PCDHGA6: variants seen among roughly 807,000 people sequenced by gnomAD.
PCDHGA6 encodes the protein protocadherin gamma-A6.
In PCDHGA6, 41 loss-of-function variants were observed where a neutral mutation model predicts 60.6. The ratio of observed to expected loss-of-function variants is 0.68; its 90% CI spans 0.53 to 0.88. PCDHGA6 has a LOEUF of 0.88. PCDHGA6 is among the 40% of genes least tolerant of loss of function. PCDHGA6 has a pLI of 0.00. For synonymous variants in PCDHGA6, 594 were observed against 524.4 expected, an observed-to-expected ratio of 1.13 and a Z score of -1.81; for missense variants, 1,312 against 1,203.0, an observed-to-expected ratio of 1.09 and a Z score of -1.34.
At chr5:141,458,081 G>A (rs765008628) in intron 1 of PCDHGA6, among the ~76,000 whole-genome samples, 62 of 152,186 alleles carry the variant, frequency 4.1e-4, no homozygotes, top group East Asian at 1.9e-4. Flanking sequence ...CTATATTGCC[G>A]TAAGTTAAGA....
Position 141,420,043 on chromosome 5 carries a change from G to T in PCDHGA6, c.2424+43536G>T, listed in dbSNP as rs747553514. On this transcript the variant is annotated intron_variant, in intron 1 of 3. Coordinates refer to ENST00000517434, the MANE Select transcript of PCDHGA6 (RefSeq NM_018919.3). ...GCCCTACTGCAGGAGACTGCTTTGAGTCAGTTCTCTGCTCCAAGTCCGGAC... is the reference window on the plus strand; with the variant it reads ...GCCCTACTGCAGGAGACTGCTTTGATTCAGTTCTCTGCTCCAAGTCCGGAC... The T allele has an allele frequency of 1.9e-6, 3 of 1,614,078 alleles. No individual in the cohort carries two copies. In the Admixed American group the frequency reaches 5.0e-5, roughly 27 times the overall value.
intron 1 of PCDHGA6, chr5:141,389,767 G>T: frequency 1.2e-6 from 2 of 1,613,028 alleles, no homozygotes; most frequent in Non-Finnish European, 1.7e-6. Context: ...CGCACAGCGC[G>T]TGCCTTAGGC....
At chr5:141,413,342 TG>T in intron 1 of PCDHGA6, 1 of 1,613,974 alleles carries the variant, frequency 6.2e-7, no homozygotes, top group South Asian at 1.1e-5. Flanking sequence ...TCCAAGGACT[TG>T]GGTCTGGCGC....
chr5:141,456,536 G>A (rs1231730255), intron 1 of PCDHGA6, among the ~76,000 whole-genome samples: 1 of 152,158 alleles, frequency 6.6e-6, no homozygotes, highest in Non-Finnish European at 1.5e-5. Flanking sequence ...AATTAAAGAG[G>A]GATTGTAGCC....
intron 1 of PCDHGA6, among the ~76,000 whole-genome samples, chr5:141,444,463 G>T (rs570185430): frequency 6.6e-6 from 1 of 152,144 alleles, no homozygotes; most frequent in Admixed American, 6.5e-5. Flanking sequence ...GAGTCACTGC[G>T]CCCGGTCGCG....
intron 1 of PCDHGA6, chr5:141,405,384 CA>C: frequency 1.9e-6 from 3 of 1,600,664 alleles, no homozygotes; most frequent in Non-Finnish European, 2.6e-6. Context: ...CCGGTGAGTT[CA>C]TTTTTTTTCT....
chr5:141,385,256 A>G lies in PCDHGA6; in HGVS notation c.2424+8749A>G, dbSNP rs779090806. On this transcript the variant is annotated intron_variant, in intron 1 of 3. Transcript: ENST00000517434. Reference sequence around the variant, plus strand: ...ATGCTCATCAGCCAGGAGAGCTGTGAGAAAAATGATTCTTTGCTAACATCC... The same window carrying G: ...ATGCTCATCAGCCAGGAGAGCTGTGGGAAAAATGATTCTTTGCTAACATCC... 7 of 1,613,794 alleles carry G rather than the reference A, an allele frequency of 4.3e-6. No homozygotes were observed. In the Admixed American group the frequency reaches 1.0e-4, roughly 23 times the overall value.
intron 1 of PCDHGA6, among the ~76,000 whole-genome samples, chr5:141,475,778 T>C (rs1204790631): frequency 2.0e-5 from 3 of 152,282 alleles, no homozygotes; most frequent in Non-Finnish European, 4.4e-5. Flanking sequence ...GCGCTTTGGC[T>C]GGAAACTCTG....
At chr5:141,385,097 C>G in intron 1 of PCDHGA6, 1 of 1,614,192 alleles carries the variant, frequency 6.2e-7, no homozygotes, top group Non-Finnish European at 8.5e-7. Context: ...GGTGGCTTGG[C>G]GAACGTGCCC....
intron 1 of PCDHGA6, chr5:141,399,997 A>C (rs2093936203): frequency 6.2e-7 from 1 of 1,612,226 alleles, no homozygotes; most frequent in African/African-American, 1.3e-5. Context: ...AGAGGTGCGC[A>C]CAGCGCGTGC....
chr5:141,410,660 T>C (rs911543817), intron 1 of PCDHGA6: 12 of 1,572,396 alleles, frequency 7.6e-6, no homozygotes, highest in African/African-American at 2.7e-5. Context: ...TCTAATAGTC[T>C]ACTAGTTTCT....
intron 1 of PCDHGA6, among the ~76,000 whole-genome samples, chr5:141,472,147 G>T (rs2099272889): frequency 6.6e-6 from 1 of 152,112 alleles, no homozygotes; most frequent in South Asian, 2.1e-4. Flanking sequence ...AAAGTTTCAT[G>T]GTTACATAGC....
chr5:141,489,723 T>C lies in PCDHGA6; in HGVS notation c.2425-5084T>C, dbSNP rs900332220. ...CACTGGACAGTGCCCAGGATCCGGA[T>C]GTGGGCACCAATACTGTGAGCTTTT... On this transcript the variant is annotated intron_variant, in intron 1 of 3. Coordinates refer to ENST00000517434, the MANE Select transcript of PCDHGA6 (RefSeq NM_018919.3). This position sits in a 1 kb window ranked among gnomAD's most constrained non-coding sequence, Gnocchi z 4.5. 4.3e-6 allele frequency: 7 copies of C among 1,613,958 alleles called. No homozygotes were observed. The highest frequency in any genetic ancestry group is 5.9e-6 in the Non-Finnish European group (7 of 1,179,940).
intron 2 of PCDHGA6, among the ~76,000 whole-genome samples, chr5:141,501,092 C>A: frequency 6.6e-6 from 1 of 152,118 alleles, no homozygotes; most frequent in East Asian, 1.9e-4. Flanking sequence ...TGGTCTCAAT[C>A]TCTTGACCTC....
Position 141,489,560 on chromosome 5 carries a change from A to G in PCDHGA6, c.2425-5247A>G. On this transcript the variant is annotated intron_variant, in intron 1 of 3. Coordinates refer to ENST00000517434, the MANE Select transcript of PCDHGA6 (RefSeq NM_018919.3). The surrounding 1 kb of genome is among the most constrained non-coding windows in gnomAD (Gnocchi z 4.5). Reference sequence around the variant, plus strand: ...AGCACCAGCTGCCTGCTGCCAGTGCAGGTGGTGACTGAACACCCCCTGGAG... The same window carrying G: ...AGCACCAGCTGCCTGCTGCCAGTGCGGGTGGTGACTGAACACCCCCTGGAG... 1.2e-6 allele frequency: 2 copies of G among 1,614,142 alleles called. No homozygotes were observed. The highest frequency in any genetic ancestry group is 1.7e-6 in the Non-Finnish European group (2 of 1,180,030).
chr5:141,402,593 G>T (rs4151700), intron 1 of PCDHGA6, among the ~76,000 whole-genome samples: 8,085 of 152,244 alleles, frequency 0.053, 229 homozygotes, highest in South Asian at 0.08. Flanking sequence ...AAAATAGATT[G>T]CTTTTGAAAT....
chr5:141,393,981 T>G, intron 1 of PCDHGA6: 3 of 1,613,792 alleles, frequency 1.9e-6, no homozygotes, highest in Non-Finnish European at 2.5e-6. Flanking sequence ...ACGTGATAAT[T>G]TACCTTTTAA....
chr5:141,483,303 T>A (rs1222660132), intron 1 of PCDHGA6, among the ~76,000 whole-genome samples: 1 of 152,146 alleles, frequency 6.6e-6, no homozygotes, highest in Non-Finnish European at 1.5e-5. Context: ...GTGAAGGGAC[T>A]GGGGACATTG....
chr5:141,413,049 A>C (rs2095599926), intron 1 of PCDHGA6: 5 of 904,176 alleles, frequency 5.5e-6, no homozygotes, highest in Non-Finnish European at 8.1e-6. Context: ...GCTGCAGGGA[A>C]GCTCACTCCA....
Sources: allele counts gnomAD v4.1 joint callset (sites outside exome capture counted in the v4.1 genomes callset), GRCh38; gene constraint gnomAD v4.1.1; non-coding constraint Gnocchi (gnomAD v3.1); transcripts MANE v1.5; gene names NCBI Gene and HGNC (gene_info 2026-07-23, HGNC 2026-07-21).